The following TMEM109 variants were observed in gnomAD, a reference collection of about 807,000 sequenced individuals.
TMEM109 encodes transmembrane protein 109.
A neutral mutation model predicts 26.4 loss-of-function variants in TMEM109; 19 were observed. The observed-to-expected ratio is 0.72, with a 90% CI of 0.50 to 1.06. TMEM109 has a LOEUF of 1.06. Among genes scored for constraint, TMEM109 ranks in the 50% least tolerant of loss-of-function variants. The pLI, the probability that TMEM109 is intolerant of heterozygous loss-of-function variation, is 0.00. For synonymous variants in TMEM109, 129 were observed against 142.0 expected (o/e 0.91, Z 0.65); for missense variants, 262 against 303.4 (o/e 0.86, Z 1.01).
chr11:60,920,021 CCT>C, intron 2 of TMEM109, 91 bp downstream of exon 2: 2 of 1,096,144 alleles, frequency 1.8e-6, no homozygotes, highest in Admixed American at 3.5e-5. Context: ...AGTTCCACAT[CCT>C]CTCTGGTGCA....
At position 60,921,913 on chromosome 11, in the gene TMEM109, G is replaced by T. The variant is rs751077165; in HGVS notation, c.480G>T (p.Leu160=). Residue 160 remains leucine, a synonymous_variant, in exon 4 of 4, where the codon CTG becomes CTT. Coordinates refer to ENST00000227525, the MANE Select transcript of TMEM109 (RefSeq NM_024092.3). ...GLVLALLGRI[L]WGLKLVIFLA... ...TCTTGGCCTTGCTGGGGCGGATCCTGTGGGGCCTGAAGCTTGTCATCTTCC... is the reference window on the plus strand; with the variant it reads ...TCTTGGCCTTGCTGGGGCGGATCCTTTGGGGCCTGAAGCTTGTCATCTTCC... The T allele has an allele frequency of 3.7e-6, 6 of 1,614,076 alleles. No individual in the cohort carries two copies. The East Asian group carries it at 6.7e-5, about 18-fold the overall frequency.
chr11:60,921,789 A>G lies in TMEM109; in HGVS notation c.356A>G (p.Gln119Arg). 1 of 1,611,202 alleles carries G rather than the reference A, an allele frequency of 6.2e-7. No individual in the cohort carries two copies. Among genetic ancestry groups the G allele is most frequent in the South Asian group, 1.1e-5 (1 of 90,984 alleles). The change falls in exon 4 of 4, where the codon CAG (glutamine) becomes CGG (arginine). Residue 119 changes from glutamine (Q) to arginine (R), a missense_variant. Coordinates refer to ENST00000227525, the MANE Select transcript of TMEM109 (RefSeq NM_024092.3). ...ALGLAGDYLA[Q>R]GLKLSPGQVQ... ...TGGCTTCCAGGTGATTACCTCGCCC[A>G]GGGCCTGAAGCTCAGCCCTGGCCAG...
intron 3 of TMEM109, among the ~76,000 whole-genome samples, chr11:60,921,570 G>A (rs1489049183): frequency 2.0e-5 from 3 of 152,208 alleles, no homozygotes; most frequent in Admixed American, 6.5e-5. Context: ...TGAAACTGCA[G>A]CTCAACAGAA....
intron 1 of TMEM109, among the ~76,000 whole-genome samples, chr11:60,914,710 A>G (rs143152572): frequency 3.2e-4 from 48 of 152,326 alleles, no homozygotes; most frequent in Middle Eastern, 3.4e-3. Context: ...GCCGTTCGAA[A>G]TAGCACATGC....
At chr11:60,920,043 A>G in intron 2 of TMEM109, 113 bp downstream of exon 2, 1 of 850,118 alleles carries the variant, frequency 1.2e-6, no homozygotes. Flanking sequence ...AGAGAGCCCC[A>G]AATTCCACAA....
chr11:60,920,809 T>C, intron 2 of TMEM109, 77 bp from the exon 3 acceptor site: 4 of 1,260,222 alleles, frequency 3.2e-6, no homozygotes, highest in Non-Finnish European at 1.2e-6. Context: ...AGTTCTTGCC[T>C]GGACAGTGGT....
At chr11:60,920,243 A>G (rs954760114) in intron 2 of TMEM109, among the ~76,000 whole-genome samples, 3 of 152,202 alleles carry the variant, frequency 2.0e-5, no homozygotes, top group Non-Finnish European at 1.5e-5. Flanking sequence ...AATCTGACCT[A>G]GAATCTCGAA....
intron 2 of TMEM109, 144 bp from the exon 3 acceptor site, chr11:60,920,742 A>T (rs1476863254): frequency 1.3e-6 from 1 of 741,568 alleles, no homozygotes; most frequent in Middle Eastern, 3.1e-4. Context: ...CAAGGCCCCT[A>T]CCCTCTGACC....
At chr11:60,921,065 G>C in intron 3 of TMEM109, 77 bp downstream of exon 3, 1 of 1,308,298 alleles carries the variant, frequency 7.6e-7, no homozygotes, top group Middle Eastern at 1.8e-4. Context: ...TCTTTGTCAG[G>C]GTCTAGCCTT....
rs937040335 is a variant in TMEM109 at position 60,923,161 on chromosome 11, G to T, written c.*996G>T. On this transcript the variant is annotated 3_prime_UTR_variant, in exon 4 of 4. Coordinates refer to ENST00000227525, the MANE Select transcript of TMEM109 (RefSeq NM_024092.3). ...ACAGGCAGCTCCTTTCCCTTCACGT[G>T]GTCTGCAGAGAGCAGGGTGAGCTGC... The T allele has an allele frequency of 3.9e-5, 6 of 152,728 alleles. No homozygotes were observed. Among genetic ancestry groups the T allele is most frequent in the African/African-American group, 1.4e-4 (6 of 41,564 alleles). 9.5% of individuals were successfully genotyped at this position (152,728 alleles called of 1,614,324 possible).
At chr11:60,915,761 G>A (rs1856167451) in intron 1 of TMEM109, among the ~76,000 whole-genome samples, 1 of 152,156 alleles carries the variant, frequency 6.6e-6, no homozygotes, top group Non-Finnish European at 1.5e-5. Flanking sequence ...GGGGGGGCGC[G>A]AAATGCCCCA....
chr11:60,916,480 T>C (rs1346395883), intron 1 of TMEM109, among the ~76,000 whole-genome samples: 3 of 152,220 alleles, frequency 2.0e-5, no homozygotes. Context: ...TTCCATGCCT[T>C]TAGTAAAACT....
chr11:60,918,241 C>T (rs1590616177), intron 1 of TMEM109, among the ~76,000 whole-genome samples: 1 of 152,206 alleles, frequency 6.6e-6, no homozygotes, highest in African/African-American at 2.4e-5. Flanking sequence ...TCATTATACC[C>T]TTGCTCACTG....
chr11:60,921,107 C>G lies in TMEM109; in HGVS notation c.340+119C>G, dbSNP rs1467431516. The G allele has an allele frequency of 8.0e-6, 7 of 875,912 alleles. No individual in the cohort carries two copies. In the Admixed American group the frequency reaches 1.5e-4, roughly 19 times the overall value. 54.3% of individuals were successfully genotyped at this position (875,912 alleles called of 1,614,324 possible). A position where few individuals can be genotyped will look rare whatever the true frequency, so the allele number is the denominator to read the frequency against. On this transcript the variant is annotated intron_variant, in intron 3 of 3. Coordinates refer to ENST00000227525, the MANE Select transcript of TMEM109 (RefSeq NM_024092.3). Reference sequence around the variant, plus strand: ...AAGCTGCTTAACCCTTCCCAGGATTCTGCAGAGACATGGCCAAAGAGCAAG... The same window carrying G: ...AAGCTGCTTAACCCTTCCCAGGATTGTGCAGAGACATGGCCAAAGAGCAAG...
intron 2 of TMEM109, among the ~76,000 whole-genome samples, chr11:60,920,316 G>A (rs369102105): frequency 2.6e-5 from 4 of 152,294 alleles, no homozygotes; most frequent in Admixed American, 2.0e-4. Flanking sequence ...AGCTTATTGG[G>A]AGCCTAAGGC....
At chr11:60,919,398 A>G in intron 1 of TMEM109, among the ~76,000 whole-genome samples, 1 of 152,250 alleles carries the variant, frequency 6.6e-6, no homozygotes, top group East Asian at 1.9e-4. Flanking sequence ...AACTGGCACA[A>G]ACCTTAGAGA....
At chr11:60,916,933 G>T (rs901379423) in intron 1 of TMEM109, among the ~76,000 whole-genome samples, 10 of 152,314 alleles carry the variant, frequency 6.6e-5, no homozygotes, top group Admixed American at 2.6e-4. Flanking sequence ...GCTCTTTTAA[G>T]TCCCCAACAT....
Position 60,922,265 on chromosome 11 carries a change from C to T in TMEM109, c.*100C>T, listed in dbSNP as rs1275718792. The T allele has an allele frequency of 6.5e-7, 1 of 1,546,288 alleles. No individual in the cohort carries two copies. Among genetic ancestry groups the T allele is most frequent in the Non-Finnish European group, 8.7e-7 (1 of 1,146,822 alleles). On this transcript the variant is annotated 3_prime_UTR_variant, in exon 4 of 4. Coordinates refer to ENST00000227525, the MANE Select transcript of TMEM109 (RefSeq NM_024092.3). Reference sequence around the variant, plus strand: ...GCCCCCTGCCCTTTTCTTGCCCTGTCTCTGAACCTTCAGAACATTGATCCT... The same window carrying T: ...GCCCCCTGCCCTTTTCTTGCCCTGTTTCTGAACCTTCAGAACATTGATCCT...
intron 1 of TMEM109, chr11:60,918,957 A>G (rs1856202694): frequency 6.6e-6 from 1 of 152,480 alleles, no homozygotes; most frequent in Admixed American, 6.5e-5. Flanking sequence ...AGGTGATTCC[A>G]GTGAGCAGCC....
Sources: gnomAD v4.1 joint callset for allele counts (sites outside exome capture counted in the v4.1 genomes callset) on GRCh38, gnomAD v4.1.1 for gene constraint, MANE v1.5 for transcripts, NCBI Gene and HGNC (gene_info 2026-07-23, HGNC 2026-07-21) for gene names.